The following CCDC62 variants were observed in gnomAD, a reference collection of about 807,000 sequenced individuals.
CCDC62 encodes the protein coiled-coil domain-containing protein 62.
A neutral mutation model predicts 80.8 loss-of-function variants in CCDC62; 72 were observed. That is an observed-to-expected ratio of 0.89 (90% CI 0.74 to 1.08). The LOEUF (loss-of-function observed/expected upper bound fraction) is 1.08, where lower values mean the gene tolerates loss of function less well. Among genes scored for constraint, CCDC62 ranks in the 50% least tolerant of loss-of-function variants. CCDC62 has a pLI of 0.00. For missense variants in CCDC62, 704 were observed against 809.4 expected (o/e 0.87, Z 1.58); for synonymous variants, 286 against 296.5 (o/e 0.96, Z 0.36).
In CCDC62 at chr12:122,801,465, C is replaced by A; in HGVS notation, c.1319C>A (p.Thr440Asn). The A allele has an allele frequency of 1.9e-6, 3 of 1,614,114 alleles. No homozygotes were observed. In the African/African-American group the frequency reaches 4.0e-5, roughly 22 times the overall value. The change falls in exon 9 of 13, where the codon ACT becomes AAT. Residue 440 changes from threonine to asparagine, a missense_variant. By Grantham distance (65) the Thr-to-Asn change is moderately conservative. Coordinates refer to ENST00000253079, the MANE Select transcript of CCDC62 (RefSeq NM_201435.5). ...IHTKSPKCHGTGVQNEGKQPS... is the reference protein window; with the variant it reads ...IHTKSPKCHGNGVQNEGKQPS... The stretch of plus-strand genomic sequence containing the variant: ...ACAAAATCACCAAAATGTCATGGCA[C>A]TGGGGTTCAGAACGAAGGAAAACAA...
At position 122,801,540 on chromosome 12, in the gene CCDC62, G is replaced by T; in HGVS notation, c.1394G>T (p.Ser465Ile). 6.2e-7 allele frequency: 1 copy of T among 1,614,136 alleles called. No individual in the cohort carries two copies. The highest frequency in any genetic ancestry group is 8.5e-7 in the Non-Finnish European group (1 of 1,180,020). The part of the protein sequence containing the change: ...LSDEKQWHDV[S>I]VYLGLTNCPS... ...GATGAGAAGCAGTGGCATGATGTCA[G>T]TGTTTACCTGGGCCTGACCAACTGT... is the stretch of plus-strand genomic sequence containing the variant. Residue 465 changes from serine (S) to isoleucine (I), a missense_variant, in exon 9 of 13, where the codon AGT (serine) becomes ATT (isoleucine). By Grantham distance (142) the Ser-to-Ile change is moderately radical (BLOSUM62 -2). Coordinates refer to ENST00000253079, the MANE Select transcript of CCDC62 (RefSeq NM_201435.5).
At chr12:122,818,960 G>T (rs1235840272) in intron 11 of CCDC62, among the ~76,000 whole-genome samples, 3 of 152,130 alleles carry the variant, frequency 2.0e-5, no homozygotes, top group Non-Finnish European at 4.4e-5. Flanking sequence ...GAGCTAGAAA[G>T]ATCCAGAAGA....
chr12:122,826,173 A>C (rs2032624106), intron 12 of CCDC62, among the ~76,000 whole-genome samples: 1 of 152,086 alleles, frequency 6.6e-6, no homozygotes. Context: ...TTTTCAAGGT[A>C]AGCATATCAG....
In CCDC62 at chr12:122,796,180, C is replaced by A. The variant is rs2030946970; in HGVS notation, c.773-1127C>A. On this transcript the variant is annotated intron_variant, in intron 6 of 12. Coordinates refer to ENST00000253079, the MANE Select transcript of CCDC62 (RefSeq NM_201435.5). ...ATACATATATTTTTTTTTTCTTTGA[C>A]CACCTGCCCTCCCCCACCGCCCCCC... Among the ~76,000 whole-genome samples, 3 of 151,078 alleles carry A rather than the reference C, an allele frequency of 2.0e-5. No individual in the cohort carries two copies. In the South Asian group the frequency reaches 6.3e-4, roughly 32 times the overall value.
intron 12 of CCDC62, among the ~76,000 whole-genome samples, chr12:122,825,670 T>C (rs2032592630): frequency 6.7e-6 from 1 of 149,954 alleles, no homozygotes; most frequent in Admixed American, 6.6e-5. Context: ...AGTCTTTATG[T>C]GGAGTAAAGT....
intron 3 of CCDC62, among the ~76,000 whole-genome samples, chr12:122,782,462 T>C (rs902463554): frequency 6.6e-6 from 1 of 152,162 alleles, no homozygotes; most frequent in Non-Finnish European, 1.5e-5. Flanking sequence ...TCTAAATTAT[T>C]GTGTGTTTTT....
intron 7 of CCDC62, among the ~76,000 whole-genome samples, chr12:122,797,609 C>T (rs193079318): frequency 5.1e-4 from 77 of 152,230 alleles, no homozygotes; most frequent in African/African-American, 1.7e-3. Context: ...GGCCTGATCT[C>T]GGCTCACTGC....
At chr12:122,796,230 G>A (rs1566076837) in intron 6 of CCDC62, among the ~76,000 whole-genome samples, 1 of 142,464 alleles carries the variant, frequency 7.0e-6, no homozygotes, top group Non-Finnish European at 1.5e-5. Flanking sequence ...CCAACATTCA[G>A]ATATATTTAA....
intron 10 of CCDC62, among the ~76,000 whole-genome samples, chr12:122,812,759 GAGA>G (rs1416159182): frequency 7.5e-5 from 5 of 66,862 alleles, no homozygotes; most frequent in Non-Finnish European, 1.2e-4. Context: ...GAGGGAGGGA[GAGA>G]GAGAGAGAGA....
chr12:122,774,711 G>A lies in CCDC62; in HGVS notation c.36+5G>A. ...GCCTTCCTTGCCGGGCGCCAGGTAA[G>A]CAGCGGTTCCGGGCGCGGCGGGGCG... On this transcript the variant is annotated splice_donor_5th_base_variant and intron_variant, in intron 1 of 12. Coordinates refer to ENST00000253079, the MANE Select transcript of CCDC62 (RefSeq NM_201435.5). 4 of 1,255,108 alleles carry A rather than the reference G, an allele frequency of 3.2e-6. No homozygotes were observed. The highest frequency in any genetic ancestry group is 4.0e-6 in the Non-Finnish European group (4 of 990,884). 77.7% of individuals were successfully genotyped at this position (1,255,108 alleles called of 1,614,324 possible).
At chr12:122,797,876 TGTG>T (rs2031056893) in intron 7 of CCDC62, among the ~76,000 whole-genome samples, 1 of 152,160 alleles carries the variant, frequency 6.6e-6, no homozygotes, top group South Asian at 2.1e-4. Context: ...AGGTCTTGCT[TGTG>T]GTGATCAAAG....
At chr12:122,797,551 A>T (rs1362465807) in intron 7 of CCDC62, among the ~76,000 whole-genome samples, 156 bp downstream of exon 7, 4 of 152,072 alleles carry the variant, frequency 2.6e-5, no homozygotes, top group Non-Finnish European at 5.9e-5. Context: ...TATTATTATT[A>T]TTTTTTTGAG....
chr12:122,788,180 T>C (rs771004748), intron 4 of CCDC62, among the ~76,000 whole-genome samples: 13 of 152,152 alleles, frequency 8.5e-5, no homozygotes, highest in Non-Finnish European at 1.5e-4. Flanking sequence ...TTTTATACTT[T>C]TAGGTGTTGT....
intron 12 of CCDC62, 151 bp from the exon 13 acceptor site, chr12:122,826,271 A>G: frequency 8.4e-6 from 2 of 238,636 alleles, no homozygotes; most frequent in Non-Finnish European, 8.3e-6. Context: ...CTCTCCGCTG[A>G]GTTTTCATAT....
chr12:122,778,450 T>G (rs1879618790), intron 2 of CCDC62, among the ~76,000 whole-genome samples: 1 of 152,126 alleles, frequency 6.6e-6, no homozygotes, highest in South Asian at 2.1e-4. Flanking sequence ...AGTGCTGCCC[T>G]AAATCTGAAT....
At chr12:122,775,659 C>G (rs1266204724) in intron 1 of CCDC62, among the ~76,000 whole-genome samples, 1 of 152,166 alleles carries the variant, frequency 6.6e-6, no homozygotes, top group African/African-American at 2.4e-5. Context: ...GTCCCCAGGG[C>G]TGGAGTACAG....
At chr12:122,817,569 C>T (rs915174065) in intron 11 of CCDC62, among the ~76,000 whole-genome samples, 16 of 151,958 alleles carry the variant, frequency 1.1e-4, no homozygotes, top group Non-Finnish European at 2.4e-4. Context: ...AGTGATCCTC[C>T]CAACTTGGCC....
intron 3 of CCDC62, among the ~76,000 whole-genome samples, chr12:122,783,525 C>T (rs2030008330): frequency 6.6e-6 from 1 of 151,974 alleles, no homozygotes. Context: ...CGCGCCTGGC[C>T]CCATTCTTTT....
Position 122,785,274 on chromosome 12 carries a change from T to C in CCDC62, c.397-445T>C, listed in dbSNP as rs146992088. ...AGGAATACCCCAGTATGAAGTTCTTTCGACAAAGAATATTTTTTAAATTCA... is the reference window on the plus strand; with the variant it reads ...AGGAATACCCCAGTATGAAGTTCTTCCGACAAAGAATATTTTTTAAATTCA... On this transcript the variant is annotated intron_variant, in intron 3 of 12. Coordinates refer to ENST00000253079, the MANE Select transcript of CCDC62 (RefSeq NM_201435.5). 3.9e-4 allele frequency among the ~76,000 whole-genome samples: 59 copies of C among 152,350 alleles called. 1 individual carries two copies. Among genetic ancestry groups the C allele is most frequent in the African/African-American group, 1.3e-3 (53 of 41,588 alleles).
Sources: gnomAD v4.1 joint callset for allele counts (sites outside exome capture counted in the v4.1 genomes callset) on GRCh38, gnomAD v4.1.1 for gene constraint, MANE v1.5 for transcripts, NCBI Gene and HGNC (gene_info 2026-07-23, HGNC 2026-07-21) for gene names.